ZC3H3: variants seen among roughly 807,000 people sequenced by gnomAD.
ZC3H3 encodes the protein zinc finger CCCH domain-containing protein 3.
In ZC3H3, 36 loss-of-function variants were observed where a neutral mutation model predicts 77.3. The observed-to-expected ratio is 0.47, with a 90% CI of 0.36 to 0.61. The LOEUF (loss-of-function observed/expected upper bound fraction) is 0.61. ZC3H3 is among the 20% of genes least tolerant of loss of function. ZC3H3 has a pLI of 0.00. For missense variants in ZC3H3, 1,331 were observed against 1,312.2 expected (o/e 1.01, Z -0.22); for synonymous variants, 626 against 555.2 (o/e 1.13, Z -1.79).
At chr8:143,478,717 C>T (rs1036881244) in intron 4 of ZC3H3, among the ~76,000 whole-genome samples, 2 of 152,224 alleles carry the variant, frequency 1.3e-5, no homozygotes, top group Non-Finnish European at 2.9e-5. Flanking sequence ...ACCCCATTGG[C>T]CAAGCTGGTC....
chr8:143,512,977 AGG>A (rs1433174452), intron 3 of ZC3H3, among the ~76,000 whole-genome samples: 7 of 151,574 alleles, frequency 4.6e-5, no homozygotes, highest in Non-Finnish European at 1.0e-4. Context: ...AGGAGAGAGC[AGG>A]GCATAGGCCC....
At chr8:143,503,634 C>G (rs1821598553) in intron 4 of ZC3H3, among the ~76,000 whole-genome samples, 1 of 67,870 alleles carries the variant, frequency 1.5e-5, no homozygotes, top group African/African-American at 5.3e-5. Context: ...ACCACCTCCT[C>G]CAGCACCCAA....
intron 3 of ZC3H3, chr8:143,523,530 A>G: frequency 1.0e-6 from 1 of 985,424 alleles, no homozygotes; most frequent in African/African-American, 1.7e-5. Context: ...GACAACTGCC[A>G]CCATCCCTCA....
rs531468763 is a variant in ZC3H3 at position 143,504,607 on chromosome 8, C to T, written c.1715+3139G>A. On this transcript the variant is annotated intron_variant, in intron 4 of 11. Coordinates refer to ENST00000262577, the MANE Select transcript of ZC3H3 (RefSeq NM_015117.3). Reference sequence around the variant, plus strand: ...TTCGCATGGTACAAGCAGGCAGGGACGGGCTGTCAGGTTCACGCTGCACTG... The same window carrying T: ...TTCGCATGGTACAAGCAGGCAGGGATGGGCTGTCAGGTTCACGCTGCACTG... 1.6e-4 allele frequency among the ~76,000 whole-genome samples: 24 copies of T among 152,286 alleles called. No individual in the cohort carries two copies. The East Asian group carries it at 4.2e-3, about 27-fold the overall frequency.
At chr8:143,505,461 C>T (rs1185350490) in intron 4 of ZC3H3, among the ~76,000 whole-genome samples, 14 of 152,206 alleles carry the variant, frequency 9.2e-5, no homozygotes, top group African/African-American at 2.2e-4. Context: ...CATGCTGGGA[C>T]GCAGGTGGCA....
chr8:143,512,329 T>G (rs926871290), intron 3 of ZC3H3, among the ~76,000 whole-genome samples: 1 of 152,242 alleles, frequency 6.6e-6, no homozygotes, highest in Non-Finnish European at 1.5e-5. Context: ...ACAGCTGCCC[T>G]GGCACCTCAC....
At chr8:143,438,798 CCCT>C (rs907964440) in intron 11 of ZC3H3, among the ~76,000 whole-genome samples, 1 of 152,218 alleles carries the variant, frequency 6.6e-6, no homozygotes, top group African/African-American at 2.4e-5. Flanking sequence ...GCCCAGGTGC[CCCT>C]CTTCAGGGCC....
At chr8:143,485,544 A>G (rs532971232) in intron 4 of ZC3H3, among the ~76,000 whole-genome samples, 1 of 152,376 alleles carries the variant, frequency 6.6e-6, no homozygotes, top group African/African-American at 2.4e-5. Context: ...GGTAAAAATT[A>G]ATTCAAGAAG....
At chr8:143,464,062 C>A (rs1820341032) in intron 9 of ZC3H3, among the ~76,000 whole-genome samples, 1 of 152,390 alleles carries the variant, frequency 6.6e-6, no homozygotes, top group East Asian at 1.9e-4. Flanking sequence ...GGTGACGATT[C>A]AGCACTTTTC....
chr8:143,465,889 C>A, intron 8 of ZC3H3, 41 bp from the exon 9 acceptor site: 1 of 1,591,110 alleles, frequency 6.3e-7, no homozygotes, highest in Non-Finnish European at 8.5e-7. Context: ...AGGCAGCCAC[C>A]CTCCAGGGCC....
chr8:143,444,094 C>A (rs1819812214), intron 9 of ZC3H3, among the ~76,000 whole-genome samples: 1 of 152,020 alleles, frequency 6.6e-6, no homozygotes, highest in African/African-American at 2.4e-5. Context: ...CCTGCCTCAG[C>A]CTCCCGAGTA....
chr8:143,478,077 G>A (rs931011985), intron 4 of ZC3H3, among the ~76,000 whole-genome samples: 3 of 152,142 alleles, frequency 2.0e-5, no homozygotes, highest in African/African-American at 7.2e-5. Context: ...TTCAACCCTG[G>A]CCGCCACAAA....
chr8:143,521,823 G>T (rs977403106), intron 3 of ZC3H3, among the ~76,000 whole-genome samples: 3 of 152,216 alleles, frequency 2.0e-5, no homozygotes, highest in Non-Finnish European at 2.9e-5. Context: ...TGCTGGAACA[G>T]GAGGGAGGGT....
chr8:143,501,793 C>A (rs944341941), intron 4 of ZC3H3, among the ~76,000 whole-genome samples: 2 of 152,186 alleles, frequency 1.3e-5, no homozygotes, highest in African/African-American at 2.4e-5. Flanking sequence ...TGCCCGGCCC[C>A]GGGGCGCGGG....
intron 3 of ZC3H3, among the ~76,000 whole-genome samples, chr8:143,529,570 C>T (rs1355263738): frequency 1.3e-5 from 2 of 152,190 alleles, no homozygotes; most frequent in Admixed American, 6.5e-5. Context: ...AGTCAGGAGG[C>T]AGCGTTCCAG....
Position 143,438,225 on chromosome 8 carries a change from C to A in ZC3H3, c.2816-138G>T, listed in dbSNP as rs1819635577. The A allele has an allele frequency of 4.4e-6, 5 of 1,141,324 alleles. No homozygotes were observed. In the East Asian group the frequency reaches 1.3e-4, roughly 30 times the overall value. 70.7% of individuals were successfully genotyped at this position (1,141,324 alleles called of 1,614,324 possible). ...ACAGCAAGGTCTGCAGAGATACCCT[C>A]CTGAGTTCGAGGGAGAAGAGCACAG... On this transcript the variant is annotated intron_variant, in intron 11 of 11. Coordinates refer to ENST00000262577, the MANE Select transcript of ZC3H3 (RefSeq NM_015117.3).
At chr8:143,497,393 T>C (rs1821382344) in intron 4 of ZC3H3, among the ~76,000 whole-genome samples, 1 of 151,892 alleles carries the variant, frequency 6.6e-6, no homozygotes, top group South Asian at 2.1e-4. Flanking sequence ...TCCCTGCAGC[T>C]GGGTGGGCAG....
intron 9 of ZC3H3, among the ~76,000 whole-genome samples, chr8:143,456,978 G>A (rs1166425857): frequency 6.6e-6 from 1 of 152,180 alleles, no homozygotes; most frequent in Non-Finnish European, 1.5e-5. Flanking sequence ...GCTATGAAAG[G>A]AGAAACAGAC....
chr8:143,465,900 C>T (rs1177468486), intron 8 of ZC3H3, 52 bp from the exon 9 acceptor site: 1 of 1,576,074 alleles, frequency 6.3e-7, no homozygotes. Context: ...CTCCAGGGCC[C>T]AGAGACGGTG....
Sources: allele counts gnomAD v4.1 joint callset (sites outside exome capture counted in the v4.1 genomes callset), GRCh38; gene constraint gnomAD v4.1.1; transcripts MANE v1.5; gene names NCBI Gene and HGNC (gene_info 2026-07-23, HGNC 2026-07-21).